The following PSAT1 variants were observed in gnomAD, a reference collection of about 807,000 sequenced individuals.
The protein encoded by PSAT1 is phosphoserine aminotransferase.
A neutral mutation model predicts 40.3 loss-of-function variants in PSAT1; 41 were observed. The ratio of observed to expected loss-of-function variants is 1.02; its 90% CI spans 0.79 to 1.32. PSAT1 has a LOEUF of 1.32. Among genes scored for constraint, PSAT1 ranks in the 40% most tolerant of loss-of-function variants. The pLI is 0.00. For synonymous variants in PSAT1, 147 were observed against 170.5 expected, an observed-to-expected ratio of 0.86 and a Z score of 1.07; for missense variants, 406 against 455.8, an observed-to-expected ratio of 0.89 and a Z score of 0.99.
intron 5 of PSAT1, among the ~76,000 whole-genome samples, chr9:78,307,539 A>G (rs1240453884): frequency 4.6e-5 from 7 of 152,216 alleles, no homozygotes; most frequent in Admixed American, 2.0e-4. Context: ...ACTTCCTGCC[A>G]ACGCTCAATT....
At chr9:78,305,039 G>T in intron 4 of PSAT1, 99 bp downstream of exon 4, 2 of 1,105,200 alleles carry the variant, frequency 1.8e-6, no homozygotes, top group Non-Finnish European at 2.7e-6. Flanking sequence ...CCCCTTGACA[G>T]TGTTAGTTCA....
At chr9:78,300,570 A>G in intron 1 of PSAT1, 32 bp from the exon 2 acceptor site, 1 of 1,601,996 alleles carries the variant, frequency 6.2e-7, no homozygotes, top group South Asian at 1.1e-5. Flanking sequence ...GAACATATTT[A>G]AATAACCCTA....
chr9:78,318,735 T>A (rs1307232270), intron 7 of PSAT1, among the ~76,000 whole-genome samples: 1 of 152,176 alleles, frequency 6.6e-6, no homozygotes, highest in African/African-American at 2.4e-5. Flanking sequence ...CATCTCGAGA[T>A]CCTTCACATA....
chr9:78,319,962 A>G (rs1323302631), intron 7 of PSAT1, among the ~76,000 whole-genome samples: 1 of 147,470 alleles, frequency 6.8e-6, no homozygotes, highest in Non-Finnish European at 1.5e-5. Flanking sequence ...CCACCCACCT[A>G]CCCATCTATC....
rs1332768057 is a variant in PSAT1, at chr9:78,328,893, A to G, written c.1008-88A>G. On this transcript the variant is annotated intron_variant, in intron 8 of 8. Transcript: ENST00000376588. ...GGAAATGATGGTCTCAGGTGCTGCAACTCTCAGGAGCCAGTGGCTAGAAAA... is the reference window on the plus strand; with the variant it reads ...GGAAATGATGGTCTCAGGTGCTGCAGCTCTCAGGAGCCAGTGGCTAGAAAA... 27 of 1,028,930 alleles carry G rather than the reference A, an allele frequency of 2.6e-5. No individual in the cohort carries two copies. In the East Asian group the frequency reaches 6.2e-4, roughly 24 times the overall value. 63.7% of individuals were successfully genotyped at this position (1,028,930 alleles called of 1,614,324 possible).
chr9:78,303,252 T>G (rs969006508), intron 3 of PSAT1, among the ~76,000 whole-genome samples: 1 of 152,202 alleles, frequency 6.6e-6, no homozygotes, highest in African/African-American at 2.4e-5. Context: ...CTTGGTGATA[T>G]TTCTGTGAGG....
Position 78,298,357 on chromosome 9 carries a change from G to A in PSAT1, c.60+1087G>A, listed in dbSNP as rs891151515. ...TTTTACAATTATCAATTGTTGAGCAGAGTAGAAATCTCCCTGGGACAGAGC... is the reference window on the plus strand; with the variant it reads ...TTTTACAATTATCAATTGTTGAGCAAAGTAGAAATCTCCCTGGGACAGAGC... On this transcript the variant is annotated intron_variant, in intron 1 of 8. Transcript: ENST00000376588. The A allele has an allele frequency of 3.0e-6, 3 of 985,116 alleles. No individual in the cohort carries two copies. The African/African-American group carries it at 5.2e-5, about 17-fold the overall frequency. 61.0% of individuals were successfully genotyped at this position (985,116 alleles called of 1,614,324 possible).
Position 78,306,495 on chromosome 9 carries a change from T to C in PSAT1, c.570+9T>C. ...CAGTGGATGTTTCCAAGGTAGAGTA[T>C]AAAAGGCAGGGTGAGGGGAACCCAC... is the stretch of plus-strand genomic sequence containing the variant. On this transcript the variant is annotated intron_variant, in intron 5 of 8. Coordinates refer to ENST00000376588, the MANE Select transcript of PSAT1 (RefSeq NM_058179.4). 1 of 1,614,134 alleles carries C rather than the reference T, an allele frequency of 6.2e-7. No individual in the cohort carries two copies. Among genetic ancestry groups the C allele is most frequent in the African/African-American group, 1.3e-5 (1 of 75,040 alleles).
intron 1 of PSAT1, 104 bp downstream of exon 1, chr9:78,297,374 T>C: frequency 1.5e-6 from 2 of 1,327,876 alleles, no homozygotes; most frequent in Non-Finnish European, 2.1e-6. Flanking sequence ...GCTCCCTGCC[T>C]TGAGTCCCCT....
Position 78,306,309 on chromosome 9 carries a change from G to A in PSAT1, c.398-5G>A. The A allele has an allele frequency of 3.1e-6, 5 of 1,612,072 alleles. No individual in the cohort carries two copies. Among genetic ancestry groups the A allele is most frequent in the Non-Finnish European group, 4.2e-6 (5 of 1,179,862 alleles). ...GCAAAGTCTCAAACTTGTCTTCTGT[G>A]ATAGAAATTCCAGATCCAAGCACCT... On this transcript the variant is annotated splice_region_variant and splice_polypyrimidine_tract_variant and intron_variant, in intron 4 of 8. Transcript: ENST00000376588.
intron 6 of PSAT1, among the ~76,000 whole-genome samples, chr9:78,311,340 G>T (rs1052421154): frequency 8.5e-5 from 13 of 152,132 alleles, no homozygotes; most frequent in African/African-American, 2.9e-4. Flanking sequence ...TGCAGCTAGA[G>T]GAGGCTTTCA....
chr9:78,328,347 T>C (rs1456675435), intron 8 of PSAT1, among the ~76,000 whole-genome samples, 159 bp downstream of exon 8: 1 of 152,178 alleles, frequency 6.6e-6, no homozygotes, highest in Non-Finnish European at 1.5e-5. Context: ...CTTCCTGTTG[T>C]TTATGGAACC....
intron 7 of PSAT1, among the ~76,000 whole-genome samples, chr9:78,318,347 A>G (rs2118683736): frequency 6.6e-6 from 1 of 152,328 alleles, no homozygotes; most frequent in South Asian, 2.1e-4. Context: ...TGAACAAATG[A>G]TTAATGAGTA....
intron 7 of PSAT1, among the ~76,000 whole-genome samples, chr9:78,323,349 T>C (rs1386120152): frequency 6.6e-6 from 1 of 152,102 alleles, no homozygotes; most frequent in East Asian, 1.9e-4. Flanking sequence ...GGTGGGAGAA[T>C]TGTTTGACCC....
At chr9:78,311,823 C>G (rs920351453) in intron 6 of PSAT1, among the ~76,000 whole-genome samples, 8 of 143,952 alleles carry the variant, frequency 5.6e-5, no homozygotes, top group African/African-American at 2.2e-4. Context: ...CAGAGTGAGA[C>G]TGTCTGAAAA....
At chr9:78,308,393 G>C (rs764359351) in intron 5 of PSAT1, 21 bp from the exon 6 acceptor site, 1 of 1,611,570 alleles carries the variant, frequency 6.2e-7, no homozygotes, top group Non-Finnish European at 8.5e-7. Flanking sequence ...TTCTTAAGCA[G>C]CATGTCTTTC....
At chr9:78,315,710 C>T (rs937149693) in intron 6 of PSAT1, among the ~76,000 whole-genome samples, 2 of 152,300 alleles carry the variant, frequency 1.3e-5, no homozygotes, top group South Asian at 4.1e-4. Context: ...CCGGTGTTGG[C>T]TTTTGCCAAC....
At chr9:78,315,548 C>G (rs542911660) in intron 6 of PSAT1, among the ~76,000 whole-genome samples, 1 of 152,338 alleles carries the variant, frequency 6.6e-6, no homozygotes, top group East Asian at 1.9e-4. Context: ...GGGGCTGTTT[C>G]CTCTTCCTCC....
rs371706852 is a variant in PSAT1, at chr9:78,306,365, A to G, written c.449A>G (p.Tyr150Cys). 6.4e-5 allele frequency: 104 copies of G among 1,613,156 alleles called. No homozygotes were observed. Among genetic ancestry groups the G allele is most frequent in the Non-Finnish European group, 8.1e-5 (96 of 1,180,016 alleles). ...WNLNPDASYV[Y>C]YCANETVHGV... ...CTCAACCCAGATGCCTCCTACGTGT[A>G]TTATTGCGCAAATGAGACGGTGCAT... The change falls in exon 5 of 9, where the codon TAT becomes TGT. Residue 150 changes from tyrosine (Y) to cysteine (C), a missense_variant. Transcript: ENST00000376588.
Sources: allele counts gnomAD v4.1 joint callset (sites outside exome capture counted in the v4.1 genomes callset), GRCh38; gene constraint gnomAD v4.1.1; transcripts MANE v1.5; gene names NCBI Gene and HGNC (gene_info 2026-07-23, HGNC 2026-07-21).